Variants in DCLK2 observed in about 807,000 individuals in gnomAD.
DCLK2 encodes the protein serine/threonine-protein kinase DCLK2.
A neutral mutation model predicts 78.4 loss-of-function variants in DCLK2; 31 were observed. The observed-to-expected ratio is 0.40, with a 90% CI of 0.30 to 0.53. The LOEUF (loss-of-function observed/expected upper bound fraction) is 0.53, where lower values mean the gene tolerates loss of function less well. DCLK2 is among the 20% of genes least tolerant of loss of function. The pLI is 0.61. For missense variants in DCLK2, 872 were observed against 973.7 expected (o/e 0.90, Z 1.39); for synonymous variants, 407 against 374.9 (o/e 1.09, Z -0.99).
At chr4:150,252,371 T>A (rs1261797185) in intron 15 of DCLK2, among the ~76,000 whole-genome samples, 1 of 152,210 alleles carries the variant, frequency 6.6e-6, no homozygotes, top group East Asian at 1.9e-4. Context: ...CCATGTTAAG[T>A]CTTCTGAGAG....
chr4:150,145,213 CT>C (rs5862907), intron 2 of DCLK2, among the ~76,000 whole-genome samples: 45,212 of 151,982 alleles, frequency 0.3, 6,826 homozygotes, highest in East Asian at 0.34. Flanking sequence ...AATGGTGACT[CT>C]TGACTTTCAC....
intron 15 of DCLK2, 89 bp from the exon 16 acceptor site, chr4:150,255,931 G>A (rs1319241429): frequency 4.0e-5 from 60 of 1,515,252 alleles, no homozygotes; most frequent in South Asian, 7.8e-5. Context: ...TCTGAGGCCC[G>A]TGCATGCTCT....
intron 2 of DCLK2, among the ~76,000 whole-genome samples, chr4:150,167,235 G>A (rs946820121): frequency 1.3e-5 from 2 of 152,238 alleles, no homozygotes; most frequent in African/African-American, 4.8e-5. Context: ...CAGGCCTGCA[G>A]AGAAGCAGCT....
chr4:150,211,745 CCT>C (rs1379250480), intron 5 of DCLK2, among the ~76,000 whole-genome samples: 6 of 152,112 alleles, frequency 3.9e-5, no homozygotes, highest in Admixed American at 6.5e-5. Context: ...GAATCCCACC[CCT>C]GTGGACCTCG....
chr4:150,185,940 T>A (rs993655246), intron 2 of DCLK2, among the ~76,000 whole-genome samples: 5 of 152,138 alleles, frequency 3.3e-5, no homozygotes, highest in African/African-American at 9.7e-5. Flanking sequence ...TTTGGAAAAC[T>A]TAGATGGACT....
chr4:150,133,563 A>T (rs1246505599), intron 2 of DCLK2, among the ~76,000 whole-genome samples: 1 of 152,224 alleles, frequency 6.6e-6, no homozygotes, highest in African/African-American at 2.4e-5. Context: ...GATATAGTAC[A>T]TTCATATATA....
intron 2 of DCLK2, among the ~76,000 whole-genome samples, chr4:150,119,045 A>G (rs571491705): frequency 9.9e-4 from 4 of 4,040 alleles, no homozygotes; most frequent in African/African-American, 3.1e-3. Flanking sequence ...CAATAATAAT[A>G]TAATAATAAT....
intron 2 of DCLK2, among the ~76,000 whole-genome samples, chr4:150,176,941 CA>C (rs1346706161): frequency 6.6e-6 from 1 of 151,388 alleles, no homozygotes; most frequent in Non-Finnish European, 1.5e-5. Context: ...TAGAGATTTG[CA>C]AAAAAGAAAT....
At chr4:150,153,381 C>G (rs911779201) in intron 2 of DCLK2, among the ~76,000 whole-genome samples, 1 of 151,902 alleles carries the variant, frequency 6.6e-6, no homozygotes, top group Non-Finnish European at 1.5e-5. Context: ...AGCCTTGATC[C>G]CTATTTGTGC....
At chr4:150,212,940 A>G (rs903549794) in intron 5 of DCLK2, among the ~76,000 whole-genome samples, 1 of 152,212 alleles carries the variant, frequency 6.6e-6, no homozygotes, top group African/African-American at 2.4e-5. Flanking sequence ...TAGCCTCCAT[A>G]GTTATAACAG....
intron 5 of DCLK2, among the ~76,000 whole-genome samples, chr4:150,210,418 T>A (rs1242293487): frequency 6.6e-6 from 1 of 152,172 alleles, no homozygotes; most frequent in Non-Finnish European, 1.5e-5. Flanking sequence ...TGCTTTTCTA[T>A]CACCAACTTT....
chr4:150,156,741 T>TTTTATTTATTTATTTA (rs150434713), intron 2 of DCLK2, among the ~76,000 whole-genome samples: 2 of 139,390 alleles, frequency 1.4e-5, no homozygotes, highest in East Asian at 2.1e-4. Flanking sequence ...GGAGTAACTA[T>TTTTATTTATTTATTTA]TTTATTTATT....
At chr4:150,185,985 C>T (rs888269447) in intron 2 of DCLK2, among the ~76,000 whole-genome samples, 3 of 152,114 alleles carry the variant, frequency 2.0e-5, no homozygotes, top group Admixed American at 6.5e-5. Context: ...TGGATGTTTC[C>T]CCATTAGATC....
intron 5 of DCLK2, among the ~76,000 whole-genome samples, chr4:150,205,464 A>G (rs1739781401): frequency 6.6e-6 from 1 of 152,220 alleles, no homozygotes; most frequent in African/African-American, 2.4e-5. Context: ...AGTAGGGAGT[A>G]TCTAGCTCTC....
chr4:150,200,579 G>A (rs1739379063), intron 4 of DCLK2, among the ~76,000 whole-genome samples: 2 of 152,208 alleles, frequency 1.3e-5, no homozygotes, highest in African/African-American at 4.8e-5. Context: ...GTACCCAGGA[G>A]TGCTTTTACA....
chr4:150,235,984 C>A (rs998350383), intron 10 of DCLK2, among the ~76,000 whole-genome samples: 5 of 152,058 alleles, frequency 3.3e-5, no homozygotes, highest in African/African-American at 1.2e-4. Flanking sequence ...TATGAGAGAC[C>A]AGTGATAAAT....
chr4:150,180,993 T>C (rs886120798), intron 2 of DCLK2, among the ~76,000 whole-genome samples: 1 of 152,126 alleles, frequency 6.6e-6, no homozygotes, highest in African/African-American at 2.4e-5. Flanking sequence ...GGGAACACCC[T>C]GGACAGACAG....
chr4:150,191,340 G>A (rs75886077), intron 2 of DCLK2, among the ~76,000 whole-genome samples: 3,183 of 151,916 alleles, frequency 0.021, 121 homozygotes, highest in African/African-American at 0.073. Context: ...ACAGTATACC[G>A]ATACCCTTGC....
intron 15 of DCLK2, among the ~76,000 whole-genome samples, chr4:150,251,930 C>T (rs1744192788): frequency 6.6e-6 from 1 of 151,684 alleles, no homozygotes; most frequent in South Asian, 2.1e-4. Flanking sequence ...AGAAAGTGTG[C>T]TCTCCCTCTC....
Sources: allele counts gnomAD v4.1 joint callset (sites outside exome capture counted in the v4.1 genomes callset), GRCh38; gene constraint gnomAD v4.1.1; transcripts MANE v1.5; gene names NCBI Gene and HGNC (gene_info 2026-07-23, HGNC 2026-07-21).